Variants in STK32B observed in about 807,000 individuals in gnomAD.
STK32B encodes serine/threonine kinase 32B.
A neutral mutation model predicts 52.6 loss-of-function variants in STK32B; 43 were observed. The observed-to-expected ratio is 0.82, with a 90% confidence interval of 0.64 to 1.05. STK32B has a LOEUF of 1.05. STK32B is among the 50% of genes least tolerant of loss of function. STK32B has a pLI of 0.00. For missense variants in STK32B, 621 were observed against 534.6 expected (o/e 1.16, Z -1.59); for synonymous variants, 238 against 204.3 (o/e 1.17, Z -1.41).
At chr4:5,340,113 G>A (rs959148569) in intron 4 of STK32B, among the ~76,000 whole-genome samples, 1 of 152,186 alleles carries the variant, frequency 6.6e-6, no homozygotes, top group Non-Finnish European at 1.5e-5. Context: ...ATTTGAATTG[G>A]CCCTTCATAC....
chr4:5,407,592 T>A (rs1173064095), intron 5 of STK32B, among the ~76,000 whole-genome samples: 2 of 152,050 alleles, frequency 1.3e-5, no homozygotes, highest in Admixed American at 6.6e-5. Flanking sequence ...AGGGAACTTA[T>A]AATCATGGCG....
In STK32B at chr4:5,256,792, A is replaced by G. The variant is rs1577254210; in HGVS notation, c.261-74428A>G. Among the ~76,000 whole-genome samples, 2 of 152,310 alleles carry G rather than the reference A, an allele frequency of 1.3e-5. 1 individual carries two copies. On this transcript the variant is annotated intron_variant, in intron 3 of 11. Coordinates refer to ENST00000282908, the MANE Select transcript of STK32B (RefSeq NM_018401.3). Reference sequence around the variant, plus strand: ...ACTAGGCTTCTTGGATATATGCTCCATGGAACCCTGAACTTCTTAAAAATG... The same window carrying G: ...ACTAGGCTTCTTGGATATATGCTCCGTGGAACCCTGAACTTCTTAAAAATG...
intron 3 of STK32B, among the ~76,000 whole-genome samples, chr4:5,271,328 A>T (rs958899586): frequency 6.6e-6 from 1 of 152,168 alleles, no homozygotes; most frequent in Non-Finnish European, 1.5e-5. Flanking sequence ...TGTACACTGA[A>T]TACCACAAAA....
At chr4:5,234,088 T>C (rs4688922) in intron 3 of STK32B, among the ~76,000 whole-genome samples, 129,161 of 151,968 alleles carry the variant, frequency 0.85, 56,726 homozygotes, top group Non-Finnish European at 0.96. Flanking sequence ...TTTGTTCTGT[T>C]CTGGACTATC....
chr4:5,095,079 T>C (rs1713308716), intron 1 of STK32B, among the ~76,000 whole-genome samples: 2 of 151,972 alleles, frequency 1.3e-5, no homozygotes, highest in Non-Finnish European at 2.9e-5. Flanking sequence ...GGTGCTCCTG[T>C]AGGGATTAAT....
rs1220845481 is a variant in STK32B, at chr4:5,354,536, G to C, written c.434+23143G>C. 2.0e-5 allele frequency among the ~76,000 whole-genome samples: 3 copies of C among 152,210 alleles called. No homozygotes were observed. In the East Asian group the frequency reaches 5.8e-4, roughly 29 times the overall value. On this transcript the variant is annotated intron_variant, in intron 4 of 11. Transcript: ENST00000282908. Reference sequence around the variant, plus strand: ...CCACCTTGACCTCTCAAAGTGCTGGGATTACAGGCGTGACCACCACGCCTG... The same window carrying C: ...CCACCTTGACCTCTCAAAGTGCTGGCATTACAGGCGTGACCACCACGCCTG...
chr4:5,274,024 A>G (rs896560488), intron 3 of STK32B, among the ~76,000 whole-genome samples: 4 of 151,866 alleles, frequency 2.6e-5, no homozygotes, highest in African/African-American at 9.7e-5. Flanking sequence ...AAAACAAACA[A>G]AAAAAAGACT....
In STK32B at chr4:5,316,243, ATTGT is replaced by A. The variant is rs1730700790; in HGVS notation, c.261-14976_261-14973del. On this transcript the variant is annotated intron_variant, in intron 3 of 11. Transcript: ENST00000282908. ...ATATATTATATATACAATATTATATATTGTATATATAATATATTATATAGTATAT... is the reference window on the plus strand; with the variant it reads ...ATATATTATATATACAATATTATATAATATATAATATATTATATAGTATAT... 2.0e-4 allele frequency among the ~76,000 whole-genome samples: 14 copies of A among 69,268 alleles called. 2 individuals are homozygous for A. The highest frequency in any genetic ancestry group is 1.3e-3 in the African/African-American group (14 of 10,744). The allele number at this position is 69,268 out of a possible 152,430, so 45.4% of individuals were successfully genotyped here.
chr4:5,053,321 G>A (rs1283156225), intron 1 of STK32B, among the ~76,000 whole-genome samples: 2 of 152,188 alleles, frequency 1.3e-5, no homozygotes, highest in Admixed American at 6.5e-5. Context: ...ATGTGCAGGT[G>A]AGCAGGTAAG....
At chr4:5,284,011 G>T (rs1560285094) in intron 3 of STK32B, among the ~76,000 whole-genome samples, 1 of 152,026 alleles carries the variant, frequency 6.6e-6, no homozygotes. Flanking sequence ...TACTCAGAGG[G>T]TTACAACACA....
intron 1 of STK32B, among the ~76,000 whole-genome samples, chr4:5,052,659 A>T (rs928180770): frequency 1.3e-5 from 2 of 152,192 alleles, no homozygotes; most frequent in Non-Finnish European, 2.9e-5. Flanking sequence ...AATGTGAGTT[A>T]TGATACCACT....
At chr4:5,091,559 A>G (rs1246831024) in intron 1 of STK32B, among the ~76,000 whole-genome samples, 3 of 152,212 alleles carry the variant, frequency 2.0e-5, no homozygotes, top group Non-Finnish European at 4.4e-5. Flanking sequence ...GGAATAATAA[A>G]ACAGAATAGG....
At chr4:5,178,398 C>A (rs1042616778) in intron 3 of STK32B, among the ~76,000 whole-genome samples, 6 of 152,164 alleles carry the variant, frequency 3.9e-5, no homozygotes, top group African/African-American at 1.4e-4. Context: ...TATTTTTCCC[C>A]CATAGGCCTC....
chr4:5,191,038 A>G (rs1054282908), intron 3 of STK32B, among the ~76,000 whole-genome samples: 2 of 152,114 alleles, frequency 1.3e-5, no homozygotes, highest in African/African-American at 4.8e-5. Flanking sequence ...CAGAGGGAAA[A>G]CTGAGCCCAG....
intron 1 of STK32B, among the ~76,000 whole-genome samples, chr4:5,137,685 T>G (rs898547522): frequency 7.2e-5 from 11 of 152,174 alleles, no homozygotes; most frequent in African/African-American, 2.7e-4. Context: ...AGCTGTATTG[T>G]GGACCTGAGC....
chr4:5,358,523 A>G (rs1317065449), intron 4 of STK32B, among the ~76,000 whole-genome samples: 6 of 152,162 alleles, frequency 3.9e-5, no homozygotes. Flanking sequence ...TCAATACACA[A>G]TAATGGGAAC....
chr4:5,466,974 A>C (rs1717489095), intron 10 of STK32B, 140 bp downstream of exon 10: 1 of 1,121,848 alleles, frequency 8.9e-7, no homozygotes, highest in African/African-American at 1.6e-5. Context: ...ATAAAATGCT[A>C]CTATCAAACA....
chr4:5,366,288 G>A (rs992406146), intron 4 of STK32B, among the ~76,000 whole-genome samples: 2 of 151,626 alleles, frequency 1.3e-5, no homozygotes, highest in African/African-American at 4.9e-5. Context: ...AGACTTGGGT[G>A]TGTTCCTTCA....
At chr4:5,415,321 G>C (rs930905879) in intron 5 of STK32B, among the ~76,000 whole-genome samples, 1 of 152,182 alleles carries the variant, frequency 6.6e-6, no homozygotes, top group Non-Finnish European at 1.5e-5. Flanking sequence ...TTTTATAGGT[G>C]AGGAAACTGA....
Sources: gnomAD v4.1 joint callset for allele counts (sites outside exome capture counted in the v4.1 genomes callset) on GRCh38, gnomAD v4.1.1 for gene constraint, MANE v1.5 for transcripts, NCBI Gene and HGNC (gene_info 2026-07-23, HGNC 2026-07-21) for gene names.